HDAC9: variants seen among roughly 807,000 people sequenced by gnomAD.
HDAC9 encodes the protein histone deacetylase 9.
A neutral mutation model predicts 139.4 loss-of-function variants in HDAC9; 41 were observed. The ratio of observed to expected loss-of-function variants is 0.29; its 90% CI spans 0.23 to 0.38. HDAC9 has a LOEUF of 0.38. Ranked by LOEUF, HDAC9 falls within the 10% of genes least tolerant of loss-of-function variation. The pLI, the probability that HDAC9 is intolerant of heterozygous loss-of-function variation, is 1.00. For synonymous variants in HDAC9, 517 were observed against 476.2 expected, an observed-to-expected ratio of 1.09 and a Z score of -1.12; for missense variants, 1,147 against 1,297.0, an observed-to-expected ratio of 0.88 and a Z score of 1.78.
intron 8 of HDAC9, among the ~76,000 whole-genome samples, chr7:18,637,788 A>G (rs990674556): frequency 1.3e-5 from 2 of 152,100 alleles, no homozygotes; most frequent in African/African-American, 4.8e-5. Context: ...TTTCTGCTGT[A>G]TTGCATTTAC....
At chr7:18,496,222 C>G in intron 1 of HDAC9, 40 bp from the exon 2 acceptor site, 1 of 1,599,734 alleles carries the variant, frequency 6.3e-7, no homozygotes, top group Non-Finnish European at 8.6e-7. Context: ...CTGGAATATG[C>G]TGCAGACAAT....
At chr7:18,916,739 A>G (rs370933195) in intron 22 of HDAC9, among the ~76,000 whole-genome samples, 2 of 152,160 alleles carry the variant, frequency 1.3e-5, no homozygotes, top group East Asian at 3.9e-4. Flanking sequence ...TATTTAATCA[A>G]TATTCACAAA....
At chr7:18,704,870 G>T (rs1295877667) in intron 12 of HDAC9, among the ~76,000 whole-genome samples, 2 of 152,078 alleles carry the variant, frequency 1.3e-5, no homozygotes, top group African/African-American at 4.8e-5. Flanking sequence ...AACATCCATT[G>T]CCATTAGTTA....
intron 22 of HDAC9, among the ~76,000 whole-genome samples, chr7:18,929,006 T>G (rs969850598): frequency 2.0e-5 from 3 of 152,072 alleles, no homozygotes; most frequent in African/African-American, 7.2e-5. Context: ...ATAAAGCTAG[T>G]TAAGGTTGTT....
intron 16 of HDAC9, among the ~76,000 whole-genome samples, chr7:18,775,362 TC>T (rs1235102363): frequency 2.0e-5 from 3 of 151,958 alleles, no homozygotes; most frequent in Non-Finnish European, 2.9e-5. Flanking sequence ...TTGTAAAAAA[TC>T]AAAGTATCTG....
intron 21 of HDAC9, among the ~76,000 whole-genome samples, chr7:18,841,438 T>A (rs1265133799): frequency 6.6e-6 from 1 of 152,068 alleles, no homozygotes; most frequent in Non-Finnish European, 1.5e-5. Flanking sequence ...AGGCTTTAAT[T>A]TTTGCTAGTT....
intron 12 of HDAC9, among the ~76,000 whole-genome samples, chr7:18,712,627 A>G (rs1432190616): frequency 6.6e-6 from 1 of 152,192 alleles, no homozygotes; most frequent in East Asian, 1.9e-4. Context: ...CAGAGGATAA[A>G]CAATGCCAGT....
intron 1 of HDAC9, among the ~76,000 whole-genome samples, chr7:18,341,030 T>C (rs1362189608): frequency 6.6e-6 from 1 of 151,590 alleles, no homozygotes; most frequent in Non-Finnish European, 1.5e-5. Flanking sequence ...TTTGAAAATG[T>C]TGGCTCCACT....
At chr7:18,946,779 TGTG>T (rs1476918631) in intron 23 of HDAC9, among the ~76,000 whole-genome samples, 1 of 152,090 alleles carries the variant, frequency 6.6e-6, no homozygotes, top group Non-Finnish European at 1.5e-5. Flanking sequence ...TGAAGGGTGA[TGTG>T]GAAGATTTAA....
chr7:18,104,053 C>A (rs933185096), intron 1 of HDAC9, among the ~76,000 whole-genome samples: 2 of 152,260 alleles, frequency 1.3e-5, no homozygotes, highest in African/African-American at 4.8e-5. Context: ...ATTCACCTAA[C>A]ATGCACAGCT....
chr7:18,721,550 T>G (rs771113415), intron 12 of HDAC9, among the ~76,000 whole-genome samples: 1 of 152,184 alleles, frequency 6.6e-6, no homozygotes, highest in African/African-American at 2.4e-5. Context: ...GCTCTGTATT[T>G]TCAGAGTATG....
chr7:18,556,823 A>G (rs1038868022), intron 2 of HDAC9, among the ~76,000 whole-genome samples: 3 of 152,070 alleles, frequency 2.0e-5, no homozygotes, highest in Non-Finnish European at 4.4e-5. Context: ...TCTATCATTT[A>G]GAAGAGTTTT....
At chr7:18,703,888 A>G (rs1783687757) in intron 12 of HDAC9, among the ~76,000 whole-genome samples, 1 of 152,128 alleles carries the variant, frequency 6.6e-6, no homozygotes, top group East Asian at 1.9e-4. Context: ...ACAGGCACAC[A>G]TTCAGTCCAT....
At position 18,894,875 on chromosome 7, in the gene HDAC9, A is replaced by G. The variant is rs115596605; in HGVS notation, c.2803+20279A>G. On this transcript the variant is annotated intron_variant, in intron 22 of 25. Transcript: ENST00000686413. ...CTTGGGCTTAGATACAGGAGAATTT[A>G]TCCACAGGAGCAGTTGAAAAAGCAG... 4.0e-3 allele frequency among the ~76,000 whole-genome samples: 606 copies of G among 152,232 alleles called. 5 individuals are homozygous for G. Among genetic ancestry groups the G allele is most frequent in the African/African-American group, 0.013 (552 of 41,538 alleles).
In HDAC9 at chr7:18,170,380, C is replaced by G. The variant is rs577724788; in HGVS notation, c.25+8031C>G. ...AGACGGATAGATTGCAAATTTTCTC[C>G]CATTCTGTAGGTTGCCTGTTCACTC... On this transcript the variant is annotated intron_variant, in intron 2 of 12. Transcript: ENST00000417496. 8.5e-5 allele frequency among the ~76,000 whole-genome samples: 13 copies of G among 152,114 alleles called. No individual in the cohort carries two copies. In the East Asian group the frequency reaches 2.3e-3, roughly 27 times the overall value.
chr7:18,384,273 A>T (rs1176586023), intron 1 of HDAC9, among the ~76,000 whole-genome samples: 1 of 152,100 alleles, frequency 6.6e-6, no homozygotes, highest in Non-Finnish European at 1.5e-5. Context: ...GTGCCGCTGC[A>T]CTTCAACCTG....
At chr7:18,705,501 A>G (rs967945193) in intron 12 of HDAC9, among the ~76,000 whole-genome samples, 3 of 152,070 alleles carry the variant, frequency 2.0e-5, no homozygotes, top group Non-Finnish European at 2.9e-5. Flanking sequence ...TGCATATTCT[A>G]TTCCAATGAT....
At chr7:18,257,156 A>G (rs1795311628) in intron 2 of HDAC9, among the ~76,000 whole-genome samples, 1 of 150,642 alleles carries the variant, frequency 6.6e-6, no homozygotes, top group Admixed American at 6.6e-5. Flanking sequence ...ATAAATATAT[A>G]AATGTAACAA....
intron 2 of HDAC9, among the ~76,000 whole-genome samples, chr7:18,268,017 ACT>A (rs1796108425): frequency 6.6e-6 from 1 of 152,130 alleles, no homozygotes; most frequent in Admixed American, 6.6e-5. Flanking sequence ...GAGCACCCTG[ACT>A]TAACACAATC....
Sources: gnomAD v4.1 joint callset for allele counts (sites outside exome capture counted in the v4.1 genomes callset) on GRCh38, gnomAD v4.1.1 for gene constraint, MANE v1.5 for transcripts, NCBI Gene and HGNC (gene_info 2026-07-23, HGNC 2026-07-21) for gene names.